GLIS3: variants seen among roughly 807,000 people sequenced by gnomAD.
The protein encoded by GLIS3 is zinc finger protein GLIS3.
In GLIS3, 53 loss-of-function variants were observed where a neutral mutation model predicts 78.6. That is an observed-to-expected ratio of 0.67 (90% CI 0.54 to 0.85). GLIS3 has a LOEUF of 0.85. Among genes scored for constraint, GLIS3 ranks in the 40% least tolerant of loss-of-function variants. The pLI is 0.00. For missense variants in GLIS3, 1,703 were observed against 1,231.1 expected (o/e 1.38, Z -5.74); for synonymous variants, 684 against 509.9 (o/e 1.34, Z -4.60).
chr9:3,960,410 A>C (rs1817469453), intron 4 of GLIS3, among the ~76,000 whole-genome samples: 1 of 152,170 alleles, frequency 6.6e-6, no homozygotes, highest in African/African-American at 2.4e-5. Flanking sequence ...TTCATCTGCC[A>C]CATTTTCTAT....
intron 2 of GLIS3, among the ~76,000 whole-genome samples, chr9:4,279,202 C>G (rs10974430): frequency 1 from 149,464 of 149,668 alleles, 74,631 homozygotes; most frequent in Non-Finnish European, 1. Context: ...ATGAGGCTGA[C>G]GCAGAGAACT....
At chr9:4,354,935 C>T in the GLIS3 span, among the ~76,000 whole-genome samples, 149 of 151,906 alleles carry the variant, frequency 9.8e-4, 1 homozygote, top group Middle Eastern at 3.4e-3. Flanking sequence ...GCTAACACGG[C>T]GAAACCCCAT....
the GLIS3 span, among the ~76,000 whole-genome samples, chr9:4,431,270 T>C: frequency 7.2e-5 from 11 of 152,322 alleles, no homozygotes; most frequent in African/African-American, 2.6e-4. Context: ...TCGTGAATCA[T>C]GGAAAGAGGA....
At chr9:4,431,916 T>G in the GLIS3 span, among the ~76,000 whole-genome samples, 1 of 150,430 alleles carries the variant, frequency 6.6e-6, no homozygotes, top group South Asian at 2.1e-4. Context: ...CTGTCACAAC[T>G]ATTTAACTCT....
chr9:4,427,267 G>T, the GLIS3 span, among the ~76,000 whole-genome samples: 1 of 152,064 alleles, frequency 6.6e-6, no homozygotes. Context: ...TTATATCATC[G>T]TGAAGCATAT....
chr9:3,930,386 T>A (rs911497161), intron 6 of GLIS3, among the ~76,000 whole-genome samples: 1 of 152,224 alleles, frequency 6.6e-6, no homozygotes, highest in Non-Finnish European at 1.5e-5. Context: ...TCCTTGAAAG[T>A]ATACTCTTCT....
intron 4 of GLIS3, among the ~76,000 whole-genome samples, chr9:4,017,683 A>T (rs962589299): frequency 3.3e-5 from 5 of 152,142 alleles, no homozygotes; most frequent in Non-Finnish European, 7.3e-5. Flanking sequence ...CAAAGATAGA[A>T]CCCAGGATGC....
chr9:4,056,332 G>A (rs894611155), intron 4 of GLIS3, among the ~76,000 whole-genome samples: 1 of 152,214 alleles, frequency 6.6e-6, no homozygotes, highest in Admixed American at 6.5e-5. Context: ...TAAACTCTCT[G>A]TGGATGCAGC....
intron 6 of GLIS3, among the ~76,000 whole-genome samples, chr9:3,906,078 G>A (rs117413626): frequency 4.6e-5 from 7 of 152,344 alleles, no homozygotes; most frequent in African/African-American, 1.7e-4. Flanking sequence ...CATTGGAGAG[G>A]AGTGAGCAAG....
At chr9:4,489,952 A>ACTCCTTTCT in the GLIS3 span, among the ~76,000 whole-genome samples, 4 of 151,682 alleles carry the variant, frequency 2.6e-5, no homozygotes, top group Non-Finnish European at 5.9e-5. Flanking sequence ...CTGCCCCAGG[A>ACTCCTTTCT]CTCCTTTCTC....
At chr9:3,833,258 C>A (rs565975916) in intron 9 of GLIS3, among the ~76,000 whole-genome samples, 48 of 152,290 alleles carry the variant, frequency 3.2e-4, no homozygotes, top group African/African-American at 1.1e-3. Context: ...TTTATTAAAT[C>A]TCTCCAAGTA....
chr9:4,242,115 A>C (rs995543188), intron 2 of GLIS3, among the ~76,000 whole-genome samples: 2 of 152,190 alleles, frequency 1.3e-5, no homozygotes, highest in African/African-American at 4.8e-5. Context: ...GGGGTGCCCC[A>C]GGAGTCTGAG....
chr9:4,244,471 A>C (rs970773589), intron 2 of GLIS3, among the ~76,000 whole-genome samples: 3 of 152,252 alleles, frequency 2.0e-5, no homozygotes, highest in African/African-American at 7.2e-5. Context: ...CAGGTTGTTT[A>C]TTCTGAAAAC....
At chr9:3,975,281 T>C (rs1034400255) in intron 4 of GLIS3, 1 of 151,986 alleles carries the variant, frequency 6.6e-6, no homozygotes, top group Non-Finnish European at 1.5e-5. Context: ...ACAAAACAAG[T>C]ACACTCCCAG....
rs983960060 is a variant in GLIS3, at chr9:3,879,145, C to A, written c.2297+282G>T. 2.0e-5 allele frequency among the ~76,000 whole-genome samples: 3 copies of A among 152,028 alleles called. No homozygotes were observed. The South Asian group carries it at 6.2e-4, about 32-fold the overall frequency. ...TTAAAATTGGGTCTCTGAAACAGAC[C>A]GATGAAAGGTAGAAAGACAGGGAAA... On this transcript the variant is annotated intron_variant, in intron 8 of 10. Transcript: ENST00000381971.
At chr9:4,136,049 G>C (rs1314282477) in intron 2 of GLIS3, among the ~76,000 whole-genome samples, 1 of 152,176 alleles carries the variant, frequency 6.6e-6, no homozygotes, top group East Asian at 1.9e-4. Flanking sequence ...ATGACAATTA[G>C]AATGAAATAA....
At chr9:4,277,250 G>A (rs568154352) in intron 2 of GLIS3, among the ~76,000 whole-genome samples, 2 of 152,206 alleles carry the variant, frequency 1.3e-5, no homozygotes, top group South Asian at 4.2e-4. Flanking sequence ...GTATAGGAAA[G>A]TAACATTTTA....
chr9:4,084,290 C>CAT (rs1828823807), intron 4 of GLIS3, among the ~76,000 whole-genome samples: 1 of 136,498 alleles, frequency 7.3e-6, no homozygotes, highest in Non-Finnish European at 1.6e-5. Flanking sequence ...CACACACACA[C>CAT]ACACAAATTC....
the GLIS3 span, among the ~76,000 whole-genome samples, chr9:4,405,837 A>C: frequency 0.74 from 112,275 of 151,932 alleles, 41,655 homozygotes; most frequent in South Asian, 0.81. Context: ...ACTAGCAAAC[A>C]AAATTCAACA....
Sources: gnomAD v4.1 joint callset for allele counts (sites outside exome capture counted in the v4.1 genomes callset) on GRCh38, gnomAD v4.1.1 for gene constraint, MANE v1.5 for transcripts, NCBI Gene and HGNC (gene_info 2026-07-23, HGNC 2026-07-21) for gene names.